NBPF15: variants seen among roughly 807,000 people sequenced by gnomAD.
NBPF15 encodes NBPF member 15.
A neutral mutation model predicts 62.2 loss-of-function variants in NBPF15; 74 were observed. The observed-to-expected ratio is 1.19, with a 90% CI of 0.99 to 1.44. NBPF15 has a LOEUF of 1.44. NBPF15 is among the 40% of genes most tolerant of loss of function. NBPF15 has a pLI of 0.00. For synonymous variants in NBPF15, 244 were observed against 209.7 expected (o/e 1.16, Z -1.41); for missense variants, 790 against 550.0 (o/e 1.44, Z -4.36).
chr1:144,457,505 G>C lies in NBPF15; in HGVS notation c.-700-700C>G, dbSNP rs74227673. ...TGTATACAAGCTATTTTATTTGTTAGATGGTGAAAACTGTGACACTTGGAG... is the reference window on the plus strand; with the variant it reads ...TGTATACAAGCTATTTTATTTGTTACATGGTGAAAACTGTGACACTTGGAG... On this transcript the variant is annotated intron_variant, in intron 3 of 21. Coordinates refer to ENST00000581897, the MANE Select transcript of NBPF15 (RefSeq NM_001385408.1). 1.6e-3 allele frequency among the ~76,000 whole-genome samples: 239 copies of C among 152,098 alleles called. 1 individual carries two copies. The highest frequency in any genetic ancestry group is 2.7e-3 in the African/African-American group (110 of 41,450).
intron 6 of NBPF15, among the ~76,000 whole-genome samples, chr1:144,447,145 T>C (rs1688143971): frequency 6.6e-6 from 1 of 152,298 alleles, no homozygotes; most frequent in Non-Finnish European, 1.5e-5. Context: ...ACCCTGTTGT[T>C]CTGACAGCAG....
Position 144,426,459 on chromosome 1 carries a change from G to C in NBPF15, c.1266-9C>G, listed in dbSNP as rs781826634. ...GCAGCTCCCTGCTGAGCCTGGAAAA[G>C]TAGGAAAAAGTAAAGAATAAGCCAG... On this transcript the variant is annotated splice_polypyrimidine_tract_variant and intron_variant, in intron 17 of 21. Coordinates refer to ENST00000581897, the MANE Select transcript of NBPF15 (RefSeq NM_001385408.1). The C allele has an allele frequency of 2.6e-5, 21 of 805,322 alleles. No homozygotes were observed. The highest frequency in any genetic ancestry group is 1.2e-4 in the Admixed American group (7 of 58,504). The allele number at this position is 805,322 out of a possible 1,614,324, so 49.9% of individuals were successfully genotyped here.
chr1:144,431,301 A>C (rs1253241323), intron 13 of NBPF15, among the ~76,000 whole-genome samples: 1 of 150,654 alleles, frequency 6.6e-6, no homozygotes, highest in Non-Finnish European at 1.5e-5. Context: ...AATGAAGGAA[A>C]AAATGCTAAG....
At chr1:144,428,178 GACACAC>G (rs782021320) in intron 15 of NBPF15, among the ~76,000 whole-genome samples, 188 bp from the exon 16 acceptor site, 85 of 132,544 alleles carry the variant, frequency 6.4e-4, no homozygotes, top group East Asian at 5.7e-3. Flanking sequence ...GAAAGAGAAA[GACACAC>G]ACACACACAC....
intron 12 of NBPF15, among the ~76,000 whole-genome samples, chr1:144,434,844 G>T (rs1416809739): frequency 2.0e-5 from 3 of 151,962 alleles, no homozygotes; most frequent in Non-Finnish European, 2.9e-5. Flanking sequence ...TCGAAGCTAG[G>T]AGGCCTGACA....
At position 144,429,492 on chromosome 1, in the gene NBPF15, G is replaced by C. The variant is rs1180091345; in HGVS notation, c.988+208C>G. Among the ~76,000 whole-genome samples the C allele has an allele frequency of 1.4e-4, 21 of 150,018 alleles. 1 individual carries two copies. The highest frequency in any genetic ancestry group is 3.0e-4 in the Non-Finnish European group (20 of 67,686). On this transcript the variant is annotated intron_variant, in intron 14 of 21. Coordinates refer to ENST00000581897, the MANE Select transcript of NBPF15 (RefSeq NM_001385408.1). ...GTCCAGGTTGGCACGGGCATGGCCTGAGACTAGGAAGAGAGCAAAGCTCAC... is the reference window on the plus strand; with the variant it reads ...GTCCAGGTTGGCACGGGCATGGCCTCAGACTAGGAAGAGAGCAAAGCTCAC...
chr1:144,456,971 G>A (rs1225153457), intron 3 of NBPF15, among the ~76,000 whole-genome samples, 166 bp from the exon 4 acceptor site: 1 of 150,168 alleles, frequency 6.7e-6, no homozygotes, highest in East Asian at 1.9e-4. Context: ...GTAATCAACA[G>A]TCCTCACCAG....
chr1:144,451,336 C>T (rs144683120), intron 4 of NBPF15, among the ~76,000 whole-genome samples: 3,603 of 151,842 alleles, frequency 0.024, 162 homozygotes, highest in African/African-American at 0.082. Context: ...GGCTTTACAC[C>T]GAGACATTCC....
At chr1:144,443,420 C>T (rs1309984275) in intron 6 of NBPF15, among the ~76,000 whole-genome samples, 4 of 151,358 alleles carry the variant, frequency 2.6e-5, no homozygotes, top group Non-Finnish European at 3.0e-5. Context: ...TCTTCAAGAC[C>T]GACTTGCTTA....
chr1:144,441,647 C>T (rs1298855810), intron 6 of NBPF15, among the ~76,000 whole-genome samples: 3 of 149,058 alleles, frequency 2.0e-5, no homozygotes, highest in South Asian at 2.2e-4. Context: ...AAGTGCAATT[C>T]GCTTGATTTC....
At chr1:144,428,255 G>C (rs1405539354) in intron 15 of NBPF15, among the ~76,000 whole-genome samples, 6 of 151,596 alleles carry the variant, frequency 4.0e-5, no homozygotes, top group Admixed American at 2.6e-4. Context: ...ACTGATGAGG[G>C]AATCAAAGGA....
chr1:144,429,340 G>T (rs1672490229), intron 14 of NBPF15, among the ~76,000 whole-genome samples: 3 of 150,800 alleles, frequency 2.0e-5, no homozygotes, highest in South Asian at 2.1e-4. Context: ...AACTCATAAG[G>T]AATTTTGTAG....
In NBPF15 at chr1:144,422,911, C is replaced by T. The variant is rs587772538; in HGVS notation, c.*102G>A. On this transcript the variant is annotated 3_prime_UTR_variant, in exon 22 of 22. Transcript: ENST00000581897. ...ATAGAGCCATGCTCACTGACCCATC[C>T]TATGTCTGGGCTTCCAAATGGAACT... The T allele has an allele frequency of 6.2e-7, 1 of 1,610,128 alleles. No individual in the cohort carries two copies. Among genetic ancestry groups the T allele is most frequent in the East Asian group, 2.2e-5 (1 of 44,848 alleles).
chr1:144,451,734 G>A (rs1691299834), intron 4 of NBPF15, among the ~76,000 whole-genome samples: 1 of 151,268 alleles, frequency 6.6e-6, no homozygotes, highest in South Asian at 2.1e-4. Context: ...ACAGGGTTGG[G>A]GGTAGGGTTA....
chr1:144,440,093 G>T, intron 7 of NBPF15, 48 bp downstream of exon 7: 2 of 1,577,256 alleles, frequency 1.3e-6, no homozygotes, highest in African/African-American at 2.7e-5. Flanking sequence ...AAATCAAATA[G>T]GTTTAATCAG....
At chr1:144,423,602 G>A (rs148117731) in intron 21 of NBPF15, among the ~76,000 whole-genome samples, 3,575 of 152,058 alleles carry the variant, frequency 0.024, 160 homozygotes, top group African/African-American at 0.082. Context: ...GAGCTCAATA[G>A]TTTTCCATAA....
intron 14 of NBPF15, among the ~76,000 whole-genome samples, chr1:144,429,295 A>T (rs1191550369): frequency 6.7e-6 from 1 of 149,384 alleles, no homozygotes; most frequent in Admixed American, 6.6e-5. Flanking sequence ...GGCCTTGGGC[A>T]GGTAAAGAAC....
At position 144,423,288 on chromosome 1, in the gene NBPF15, C is replaced by T. The variant is rs782397466; in HGVS notation, c.1770-32G>A. ...AAGGAGACAAAACTAAAGAAGCAGC[C>T]AGGGAAAATCAGACACCACAGAGCC... On this transcript the variant is annotated intron_variant, in intron 21 of 21. Transcript: ENST00000581897. The T allele has an allele frequency of 3.1e-6, 5 of 1,610,946 alleles. 1 individual carries two copies. The highest frequency in any genetic ancestry group is 4.5e-5 in the East Asian group (2 of 44,868).
At chr1:144,457,113 G>A (rs587631613) in intron 3 of NBPF15, among the ~76,000 whole-genome samples, 3 of 152,046 alleles carry the variant, frequency 2.0e-5, no homozygotes, top group East Asian at 3.9e-4. Flanking sequence ...TTGAATTAGA[G>A]GTTAGTGAGC....
Sources: gnomAD v4.1 joint callset for allele counts (sites outside exome capture counted in the v4.1 genomes callset) on GRCh38, gnomAD v4.1.1 for gene constraint, MANE v1.5 for transcripts, NCBI Gene and HGNC (gene_info 2026-07-23, HGNC 2026-07-21) for gene names.